BTNL3: variants seen among roughly 807,000 people sequenced by gnomAD.
BTNL3 encodes the protein butyrophilin like 3.
A neutral mutation model predicts 40.1 loss-of-function variants in BTNL3; 20 were observed. The ratio of observed to expected loss-of-function variants is 0.50; its 90% CI spans 0.35 to 0.72. BTNL3 has a LOEUF of 0.72. Ranked by LOEUF, BTNL3 falls within the 30% of genes least tolerant of loss-of-function variation. The pLI is 0.01. For missense variants in BTNL3, 449 were observed against 582.2 expected, an observed-to-expected ratio of 0.77 and a Z score of 2.35; for synonymous variants, 179 against 222.1, an observed-to-expected ratio of 0.81 and a Z score of 1.73.
rs1045677873 is a variant in BTNL3 at position 181,000,277 on chromosome 5, T to A, written c.674-2395T>A. 1.1e-4 allele frequency among the ~76,000 whole-genome samples: 15 copies of A among 136,916 alleles called. 4 individuals carry two copies. Among genetic ancestry groups the A allele is most frequent in the Non-Finnish European group, 2.2e-4 (13 of 59,946 alleles). 89.8% of individuals were successfully genotyped at this position (136,916 alleles called of 152,430 possible). ...TTCGTTAAAAGAGATAAACTATAAT[T>A]TTCTTAGTAGATGTAAATAAAACAG... On this transcript the variant is annotated intron_variant, in intron 3 of 7. Coordinates refer to ENST00000342868, the MANE Select transcript of BTNL3 (RefSeq NM_197975.3).
At chr5:180,991,296 A>G (rs1759968788) in intron 1 of BTNL3, among the ~76,000 whole-genome samples, 1 of 138,138 alleles carries the variant, frequency 7.2e-6, no homozygotes, top group African/African-American at 2.5e-5. Context: ...AATTAGTGCT[A>G]AAATTAAAAA....
Position 181,002,616 on chromosome 5 carries a change from G to A in BTNL3, c.674-56G>A, listed in dbSNP as rs940917772. On this transcript the variant is annotated intron_variant, in intron 3 of 7. Transcript: ENST00000342868. Reference sequence around the variant, plus strand: ...GTACTGGGGGATTCCTTAAATGGGCGTAAAATTGTCTTACCTGCTTAGCTA... The same window carrying A: ...GTACTGGGGGATTCCTTAAATGGGCATAAAATTGTCTTACCTGCTTAGCTA... 8.5e-6 allele frequency: 12 copies of A among 1,404,682 alleles called. 2 individuals are homozygous for A. The highest frequency in any genetic ancestry group is 2.3e-5 in the South Asian group (2 of 86,002). The allele number at this position is 1,404,682 out of a possible 1,614,324, so 87.0% of individuals were successfully genotyped here. A position where few individuals can be genotyped will look rare whatever the true frequency, so the allele number is the denominator to read the frequency against.
Position 181,006,005 on chromosome 5 carries a change from T to A in BTNL3, c.*133T>A. ...GAGAGTCACGCCCCCCACTCTCCTT[T>A]AGGGAGCTGAGGTTCTTCTGCCCTG... On this transcript the variant is annotated 3_prime_UTR_variant, in exon 8 of 8. Transcript: ENST00000342868. The A allele has an allele frequency of 9.6e-7, 1 of 1,041,162 alleles. No individual in the cohort carries two copies. The highest frequency in any genetic ancestry group is 1.4e-6 in the Non-Finnish European group (1 of 736,928). 64.5% of individuals were successfully genotyped at this position (1,041,162 alleles called of 1,614,324 possible). A position where few individuals can be genotyped will look rare whatever the true frequency, so the allele number is the denominator to read the frequency against.
intron 7 of BTNL3, 108 bp downstream of exon 7, chr5:181,004,870 A>G: frequency 6.3e-7 from 1 of 1,598,822 alleles, no homozygotes; most frequent in South Asian, 1.1e-5. Context: ...GCCCGAATCC[A>G]CCCCAGGGTG....
At position 181,002,715 on chromosome 5, in the gene BTNL3, A is replaced by G; in HGVS notation, c.717A>G (p.Leu239=). Residue 239 remains leucine (L), a synonymous_variant, in exon 4 of 8, where the codon TTA becomes TTG. Coordinates refer to ENST00000342868, the MANE Select transcript of BTNL3 (RefSeq NM_197975.3). Reference sequence around the variant, plus strand: ...CACCTTGGCGCCTGGCTTCTATTTTACTCGGGTTACTCTGTGGTGCCCTGT... The same window carrying G: ...CACCTTGGCGCCTGGCTTCTATTTTGCTCGGGTTACTCTGTGGTGCCCTGT... The part of the protein sequence containing the change: ...QPSPWRLASI[L]LGLLCGALCG... The G allele has an allele frequency of 6.9e-7, 1 of 1,456,054 alleles. No individual in the cohort carries two copies. 90.2% of individuals were successfully genotyped at this position (1,456,054 alleles called of 1,614,324 possible).
At position 181,006,714 on chromosome 5, in the gene BTNL3, AAAAG is replaced by A. The variant is rs1760240074; in HGVS notation, c.*846_*849del. 6.6e-6 allele frequency: 1 copy of A among 152,352 alleles called. No individual in the cohort carries two copies. Among genetic ancestry groups the A allele is most frequent in the South Asian group, 2.1e-4 (1 of 4,830 alleles). 9.4% of individuals were successfully genotyped at this position (152,352 alleles called of 1,614,324 possible). On this transcript the variant is annotated 3_prime_UTR_variant, in exon 8 of 8. Transcript: ENST00000342868. ...GTAATTCAGCACATTAATAAAGTAA[AAAAG>A]AAAACCATATGATCATTTCAACGAT...
rs1759974774 is a variant in BTNL3, at chr5:180,991,786, A to G, written c.50-1027A>G. ...GACAGTTTCAAGTGAAGATCAAGAC[A>G]AAGCTGTACCAAGAAAATACAAACA... On this transcript the variant is annotated intron_variant, in intron 1 of 7. Transcript: ENST00000342868. 1.5e-5 allele frequency among the ~76,000 whole-genome samples: 2 copies of G among 136,924 alleles called. 1 individual carries two copies. The highest frequency in any genetic ancestry group is 4.3e-4 in the South Asian group (2 of 4,642). 89.8% of individuals were successfully genotyped at this position (136,924 alleles called of 152,430 possible).
rs192516309 is a variant in BTNL3 at position 180,993,949 on chromosome 5, C to T, written c.397+789C>T. ...CTGAGTAGCTCAGATTACAGGCATG[C>T]GCCACCACACCCAGCTAATTTTTTT... On this transcript the variant is annotated intron_variant, in intron 2 of 7. Transcript: ENST00000342868. Among the ~76,000 whole-genome samples, 109 of 136,148 alleles carry T rather than the reference C, an allele frequency of 8.0e-4. 11 individuals carry two copies. Among genetic ancestry groups the T allele is most frequent in the African/African-American group, 2.5e-3 (99 of 39,686 alleles). The allele number at this position is 136,148 out of a possible 152,430, so 89.3% of individuals were successfully genotyped here. A position where few individuals can be genotyped will look rare whatever the true frequency, so the allele number is the denominator to read the frequency against.
chr5:181,004,654 C>T, intron 6 of BTNL3, 82 bp from the exon 7 acceptor site: 2 of 1,613,204 alleles, frequency 1.2e-6, no homozygotes, highest in South Asian at 2.2e-5. Context: ...AAAAAGGGTC[C>T]CAATCCTTGG....
At chr5:181,005,238 C>G in intron 7 of BTNL3, 96 bp from the exon 8 acceptor site, 1 of 1,582,276 alleles carries the variant, frequency 6.3e-7, no homozygotes, top group Non-Finnish European at 8.6e-7. Context: ...CGGATCCTAC[C>G]CGGAGCCAGT....
In BTNL3 at chr5:181,005,713, G is replaced by A; in HGVS notation, c.1242G>A (p.Glu414=). The A allele has an allele frequency of 1.2e-6, 2 of 1,614,112 alleles. No homozygotes were observed. The change falls in exon 8 of 8, where the codon GAG becomes GAA. Residue 414 remains glutamate, a synonymous_variant. Coordinates refer to ENST00000342868, the MANE Select transcript of BTNL3 (RefSeq NM_197975.3). ...PTRVGVFLDY[E]GGTISFFNTN... ...GAGTAGGGGTCTTCCTGGACTATGA[G>A]GGTGGGACCATCTCCTTCTTCAATA...
chr5:180,992,459 G>C (rs1561958642), intron 1 of BTNL3, among the ~76,000 whole-genome samples: 1 of 137,038 alleles, frequency 7.3e-6, no homozygotes, highest in East Asian at 2.2e-4. Context: ...CAGATGGGCA[G>C]AGAGGAGAGC....
In BTNL3 at chr5:180,996,820, T is replaced by C. The variant is rs551695177; in HGVS notation, c.398-393T>C. ...CTGTGCTAACCTGACCATGCTTTCA[T>C]AGTTGCCATTTCACTATGAAATGTA... On this transcript the variant is annotated intron_variant, in intron 2 of 7. Coordinates refer to ENST00000342868, the MANE Select transcript of BTNL3 (RefSeq NM_197975.3). 1.0e-4 allele frequency among the ~76,000 whole-genome samples: 14 copies of C among 137,128 alleles called. No individual in the cohort carries two copies. In the South Asian group the frequency reaches 3.0e-3, roughly 30 times the overall value. 90.0% of individuals were successfully genotyped at this position (137,128 alleles called of 152,430 possible).
chr5:180,997,091 A>G lies in BTNL3; in HGVS notation c.398-122A>G. 6.0e-6 allele frequency: 3 copies of G among 502,242 alleles called. 1 individual carries two copies. The highest frequency in any genetic ancestry group is 8.4e-6 in the Non-Finnish European group (3 of 356,110). The allele number at this position is 502,242 out of a possible 1,614,324, so 31.1% of individuals were successfully genotyped here. ...AGAGAGAAAAGGATGTGTGTGTGTGAGAGAGAGAGAGAGAGAAAAGGATGT... is the reference window on the plus strand; with the variant it reads ...AGAGAGAAAAGGATGTGTGTGTGTGGGAGAGAGAGAGAGAGAAAAGGATGT... On this transcript the variant is annotated intron_variant, in intron 2 of 7. Transcript: ENST00000342868.
At position 181,001,910 on chromosome 5, in the gene BTNL3, T is replaced by A. The variant is rs945979622; in HGVS notation, c.674-762T>A. On this transcript the variant is annotated intron_variant, in intron 3 of 7. Transcript: ENST00000342868. Reference sequence around the variant, plus strand: ...AGGAGAAAAGAATAAACATTACCTTTAAAAAAAAAAAGAAATCCTCCCACT... The same window carrying A: ...AGGAGAAAAGAATAAACATTACCTTAAAAAAAAAAAAGAAATCCTCCCACT... Among the ~76,000 whole-genome samples, 29 of 122,494 alleles carry A rather than the reference T, an allele frequency of 2.4e-4. 4 individuals carry two copies. The highest frequency in any genetic ancestry group is 6.6e-4 in the African/African-American group (24 of 36,550). 80.4% of individuals were successfully genotyped at this position (122,494 alleles called of 152,430 possible). A position where few individuals can be genotyped will look rare whatever the true frequency, so the allele number is the denominator to read the frequency against.
At chr5:180,993,297 C>T (rs1759997506) in intron 2 of BTNL3, 137 bp downstream of exon 2, 1 of 1,258,982 alleles carries the variant, frequency 7.9e-7, no homozygotes, top group Non-Finnish European at 1.1e-6. Flanking sequence ...GTGGGGATCA[C>T]TGACCTGAGG....
Position 180,991,724 on chromosome 5 carries a change from A to G in BTNL3, c.50-1089A>G, listed in dbSNP as rs561863316. On this transcript the variant is annotated intron_variant, in intron 1 of 7. Coordinates refer to ENST00000342868, the MANE Select transcript of BTNL3 (RefSeq NM_197975.3). ...TAAAAGTCGTGCAGGGAAGGCTCGC[A>G]GAAAACAAACAGTTATGTCACTTGC... is the stretch of plus-strand genomic sequence containing the variant. Among the ~76,000 whole-genome samples, 78 of 136,960 alleles carry G rather than the reference A, an allele frequency of 5.7e-4. 7 individuals carry two copies. In the South Asian group the frequency reaches 0.015, roughly 26 times the overall value. 89.9% of individuals were successfully genotyped at this position (136,960 alleles called of 152,430 possible). A position where few individuals can be genotyped will look rare whatever the true frequency, so the allele number is the denominator to read the frequency against.
At chr5:180,991,722 G>T (rs951981473) in intron 1 of BTNL3, among the ~76,000 whole-genome samples, 2 of 136,496 alleles carry the variant, frequency 1.5e-5, no homozygotes, top group African/African-American at 5.1e-5. Context: ...GGGAAGGCTC[G>T]CAGAAAACAA....
At position 180,992,923 on chromosome 5, in the gene BTNL3, C is replaced by A. The variant is rs780363306; in HGVS notation, c.160C>A (p.Arg54=). 63 of 1,463,046 alleles carry A rather than the reference C, an allele frequency of 4.3e-5. 13 individuals carry two copies. The highest frequency in any genetic ancestry group is 5.5e-5 in the Non-Finnish European group (58 of 1,058,912). The allele number at this position is 1,463,046 out of a possible 1,614,324, so 90.6% of individuals were successfully genotyped here. The change falls in exon 2 of 8, where the codon CGG becomes AGG. Residue 54 remains arginine, a synonymous_variant. Coordinates refer to ENST00000342868, the MANE Select transcript of BTNL3 (RefSeq NM_197975.3). The part of the protein sequence containing the change: ...PETSAEAMEV[R]FFRNQFHAVV... ...GACCAGTGCAGAGGCTATGGAAGTG[C>A]GGTTCTTCAGGAATCAGTTCCATGC...
Sources: gnomAD v4.1 joint callset for allele counts (sites outside exome capture counted in the v4.1 genomes callset) on GRCh38, gnomAD v4.1.1 for gene constraint, MANE v1.5 for transcripts, NCBI Gene and HGNC (gene_info 2026-07-23, HGNC 2026-07-21) for gene names.